TLL2: variants seen among roughly 807,000 people sequenced by gnomAD.
TLL2 encodes tolloid like 2, also known as tolloid-like protein 2.
TLL2 carries 106 observed loss-of-function variants against 123.0 expected under a neutral mutation model. That is an observed-to-expected ratio of 0.86 (90% CI 0.74 to 1.01). TLL2 has a LOEUF of 1.01. TLL2 is among the 50% of genes least tolerant of loss of function. The pLI is 0.00. For missense variants in TLL2, 1,332 were observed against 1,336.7 expected, an observed-to-expected ratio of 1.00 and a Z score of 0.06; for synonymous variants, 494 against 516.8, an observed-to-expected ratio of 0.96 and a Z score of 0.60.
intron 1 of TLL2, among the ~76,000 whole-genome samples, chr10:96,488,439 G>A (rs1032711101): frequency 4.6e-5 from 7 of 152,160 alleles, no homozygotes; most frequent in South Asian, 2.1e-4. Flanking sequence ...CCCTTCCCAC[G>A]CCAGCCCGGG....
At chr10:96,428,499 G>A (rs1296437142) in intron 5 of TLL2, 132 bp downstream of exon 5, 1 of 642,432 alleles carries the variant, frequency 1.6e-6, no homozygotes, top group Non-Finnish European at 2.7e-6. Context: ...ACCAAGGGCA[G>A]AAAGTTTCTA....
intron 16 of TLL2, among the ~76,000 whole-genome samples, chr10:96,380,325 C>T (rs1318085773): frequency 6.6e-6 from 1 of 152,090 alleles, no homozygotes; most frequent in African/African-American, 2.4e-5. Flanking sequence ...TGTCTTCCTC[C>T]CCTCTCTATA....
Position 96,373,712 on chromosome 10 carries a change from C to T in TLL2, c.2546G>A (p.Arg849His), listed in dbSNP as rs141416623. ...GTCTGGTTTCTTGCTGCCGCAGAAACGGCCCAGAATGGGGGCCAGGCTGTC... is the reference window on the plus strand; with the variant it reads ...GTCTGGTTTCTTGCTGCCGCAGAAATGGCCCAGAATGGGGGCCAGGCTGTC... ...GPDSLAPILGRFCGSKKPDPT... is the reference protein window; with the variant it reads ...GPDSLAPILGHFCGSKKPDPT... The change falls in exon 19 of 21, where the codon CGT becomes CAT. Residue 849 changes from arginine (R) to histidine (H), a missense_variant. By Grantham distance (29) the Arg-to-His change is conservative (BLOSUM62 0). Coordinates refer to ENST00000357947, the MANE Select transcript of TLL2 (RefSeq NM_012465.4). The T allele has an allele frequency of 6.1e-5, 99 of 1,614,134 alleles. No individual in the cohort carries two copies. The highest frequency in any genetic ancestry group is 1.6e-4 in the Middle Eastern group (1 of 6,084).
intron 1 of TLL2, among the ~76,000 whole-genome samples, chr10:96,508,585 A>T (rs550323090): frequency 7.9e-5 from 12 of 152,268 alleles, no homozygotes; most frequent in African/African-American, 2.4e-4. Flanking sequence ...GCTATCAGGC[A>T]GTTCCCTTAG....
intron 1 of TLL2, among the ~76,000 whole-genome samples, chr10:96,510,516 A>G (rs1589440366): frequency 1.3e-5 from 2 of 152,334 alleles, no homozygotes; most frequent in East Asian, 3.9e-4. Context: ...TATTCTTTCC[A>G]TCAGTTTCTA....
chr10:96,497,794 G>C (rs1847492072), intron 1 of TLL2, among the ~76,000 whole-genome samples: 1 of 152,184 alleles, frequency 6.6e-6, no homozygotes, highest in African/African-American at 2.4e-5. Flanking sequence ...TTTGTTTCCT[G>C]CTGGGACTCT....
At position 96,386,977 on chromosome 10, in the gene TLL2, C is replaced by T; in HGVS notation, c.1828G>A (p.Ala610Thr). The T allele has an allele frequency of 1.2e-6, 2 of 1,614,122 alleles. No individual in the cohort carries two copies. The highest frequency in any genetic ancestry group is 1.1e-5 in the South Asian group (1 of 91,076). The change falls in exon 14 of 21, where the codon GCC becomes ACC. Residue 610 changes from alanine (A) to threonine (T), a missense_variant. Physicochemically the swap from Ala to Thr is moderately conservative, Grantham distance 58. Transcript: ENST00000357947. Reference sequence around the variant, plus strand: ...CCTTCACACATCTTCTTATCGGCGGCCAGCTCGTAGCCAGGGTCACAGGCA... The same window carrying T: ...CCTTCACACATCTTCTTATCGGCGGTCAGCTCGTAGCCAGGGTCACAGGCA... ...KCACDPGYEL[A>T]ADKKMCEVAC...
chr10:96,384,833 G>A (rs1234910176), intron 15 of TLL2, 66 bp from the exon 16 acceptor site: 7 of 1,435,460 alleles, frequency 4.9e-6, no homozygotes, highest in Non-Finnish European at 6.5e-6. Context: ...CCAGCACACT[G>A]CTGCACCTGC....
At chr10:96,449,470 CCT>C (rs1846933379) in intron 2 of TLL2, among the ~76,000 whole-genome samples, 1 of 152,202 alleles carries the variant, frequency 6.6e-6, no homozygotes, top group African/African-American at 2.4e-5. Context: ...AGAGCCCTCC[CCT>C]GTCCTTATCA....
chr10:96,470,221 G>C (rs1847165990), intron 2 of TLL2, among the ~76,000 whole-genome samples: 1 of 152,210 alleles, frequency 6.6e-6, no homozygotes, highest in Admixed American at 6.5e-5. Flanking sequence ...CCCTGAGCCT[G>C]AGAATTTCTC....
At chr10:96,400,952 T>C (rs9633677) in intron 10 of TLL2, among the ~76,000 whole-genome samples, 148,139 of 152,258 alleles carry the variant, frequency 0.97, 72,186 homozygotes, top group East Asian at 1. Flanking sequence ...TGTTCTCAAT[T>C]GACTTTTCCC....
intron 13 of TLL2, among the ~76,000 whole-genome samples, chr10:96,389,845 C>T (rs1429824506): frequency 6.6e-6 from 1 of 152,256 alleles, no homozygotes; most frequent in African/African-American, 2.4e-5. Context: ...GTAAGGTGCT[C>T]GGCCTTGGGA....
chr10:96,386,085 C>A lies in TLL2; in HGVS notation c.1983G>T (p.Gln661His). 6.2e-7 allele frequency: 1 copy of A among 1,608,414 alleles called. No individual in the cohort carries two copies. Among genetic ancestry groups the A allele is most frequent in the Non-Finnish European group, 8.5e-7 (1 of 1,177,476 alleles). ...TGCCTTCCAGTTCAAACACTTCAAACTGAAGGGAGATCCGGTACTGAGCGG... is the reference window on the plus strand; with the variant it reads ...TGCCTTCCAGTTCAAACACTTCAAAATGAAGGGAGATCCGGTACTGAGCGG... ...VAPAQYRISL[Q>H]FEVFELEGND... Residue 661 changes from glutamine to histidine, a missense_variant, in exon 15 of 21, where the codon CAG becomes CAT. By Grantham distance (24) the Gln-to-His change is conservative. Transcript: ENST00000357947.
chr10:96,404,351 G>A (rs1846428881), intron 10 of TLL2, among the ~76,000 whole-genome samples: 1 of 152,068 alleles, frequency 6.6e-6, no homozygotes. Context: ...TTCCATGGGT[G>A]AGTTCATGCC....
At chr10:96,449,527 A>G (rs1846933749) in intron 2 of TLL2, among the ~76,000 whole-genome samples, 1 of 152,190 alleles carries the variant, frequency 6.6e-6, no homozygotes, top group South Asian at 2.1e-4. Context: ...AAGGAAGCAA[A>G]TCTCATGCTT....
At chr10:96,462,386 G>C (rs1847089003) in intron 2 of TLL2, among the ~76,000 whole-genome samples, 1 of 152,220 alleles carries the variant, frequency 6.6e-6, no homozygotes, top group South Asian at 2.1e-4. Flanking sequence ...CTCATTACTT[G>C]AAGTAGTTAT....
intron 18 of TLL2, among the ~76,000 whole-genome samples, chr10:96,374,960 G>C (rs1436344083): frequency 5.0e-5 from 4 of 80,074 alleles, no homozygotes; most frequent in South Asian, 1.1e-3. Context: ...GACATTAGTT[G>C]CGGGGGGGGG....
intron 1 of TLL2, among the ~76,000 whole-genome samples, chr10:96,508,449 A>G (rs1327331352): frequency 6.6e-6 from 1 of 152,152 alleles, no homozygotes; most frequent in African/African-American, 2.4e-5. Flanking sequence ...GCTTACCCTC[A>G]CTACTGGTTC....
chr10:96,397,341 A>T, intron 10 of TLL2, 39 bp from the exon 11 acceptor site: 1 of 1,550,102 alleles, frequency 6.5e-7, no homozygotes, highest in Non-Finnish European at 8.8e-7. Context: ...AGCCCTGGGG[A>T]CAGCAAGAAG....
Sources: allele counts gnomAD v4.1 joint callset (sites outside exome capture counted in the v4.1 genomes callset), GRCh38; gene constraint gnomAD v4.1.1; transcripts MANE v1.5; gene names NCBI Gene and HGNC (gene_info 2026-07-23, HGNC 2026-07-21).